Variants in PKHD1 observed in about 807,000 individuals in gnomAD.
The protein encoded by PKHD1 is fibrocystin.
Under a neutral mutation model 412.0 loss-of-function variants are expected in PKHD1, and 291 were observed. That is an observed-to-expected ratio of 0.71 (90% CI 0.64 to 0.78). The LOEUF (loss-of-function observed/expected upper bound fraction) is 0.78, where lower values mean the gene tolerates loss of function less well. Ranked by LOEUF, PKHD1 falls within the 30% of genes least tolerant of loss-of-function variation. The probability of loss-of-function intolerance (pLI) is 0.00; values close to 1 mark genes in which losing one functional copy is unlikely to be tolerated. For synonymous variants in PKHD1, 1,777 were observed against 1,821.5 expected, an observed-to-expected ratio of 0.98 and a Z score of 0.62; for missense variants, 4,825 against 4,950.7, an observed-to-expected ratio of 0.97 and a Z score of 0.76.
chr6:51,758,035 AG>A (rs1420336831), intron 55 of PKHD1, among the ~76,000 whole-genome samples: 2 of 150,668 alleles, frequency 1.3e-5, no homozygotes, highest in African/African-American at 4.9e-5. Context: ...AGAGAGAGAG[AG>A]AGAGAGAGAG....
intron 33 of PKHD1, among the ~76,000 whole-genome samples, chr6:52,018,493 T>C (rs1800881073): frequency 6.6e-6 from 1 of 152,216 alleles, no homozygotes; most frequent in South Asian, 2.1e-4. Context: ...TGCATTTCAA[T>C]CATTACTTTT....
At chr6:51,786,565 C>T (rs1202857480) in intron 53 of PKHD1, among the ~76,000 whole-genome samples, 2 of 152,196 alleles carry the variant, frequency 1.3e-5, no homozygotes, top group Non-Finnish European at 2.9e-5. Flanking sequence ...ACCACCATTT[C>T]ATACAAAGCC....
Position 51,747,973 on chromosome 6 carries a change from T to G in PKHD1, c.9643A>C (p.Ile3215Leu). ...GAGTGCGGCTTCACTTTGTCCTGAATGCAGTCAAAAGAAGAGCTGGTGGCC... is the reference window on the plus strand; with the variant it reads ...GAGTGCGGCTTCACTTTGTCCTGAAGGCAGTCAAAAGAAGAGCTGGTGGCC... ...IVATSSSFDC[I>L]QDKVKPHSAN... The change falls in exon 58 of 67, where the codon ATT (isoleucine) becomes CTT (leucine). Residue 3215 changes from isoleucine to leucine, a missense_variant. Physicochemically the swap from Ile to Leu is conservative, Grantham distance 5 (BLOSUM62 2). Transcript: ENST00000371117. 6.2e-7 allele frequency: 1 copy of G among 1,614,074 alleles called. No homozygotes were observed. Among genetic ancestry groups the G allele is most frequent in the Non-Finnish European group, 8.5e-7 (1 of 1,179,968 alleles).
chr6:51,983,253 T>C (rs888112441), intron 35 of PKHD1, among the ~76,000 whole-genome samples: 1 of 152,204 alleles, frequency 6.6e-6, no homozygotes, highest in Admixed American at 6.5e-5. Flanking sequence ...GAGAACTGCC[T>C]AGACTACAAA....
intron 36 of PKHD1, among the ~76,000 whole-genome samples, chr6:51,954,744 TTG>T (rs10581395): frequency 0.7 from 106,778 of 151,722 alleles, 38,059 homozygotes; most frequent in East Asian, 0.94. Context: ...TTCTTTTGTG[TTG>T]TGTGTGTGTG....
intron 35 of PKHD1, among the ~76,000 whole-genome samples, chr6:51,977,633 C>A (rs576884114): frequency 6.6e-6 from 1 of 152,192 alleles, no homozygotes; most frequent in Non-Finnish European, 1.5e-5. Flanking sequence ...CACTGCCTTA[C>A]GAAGTTTAGT....
Position 51,632,864 on chromosome 6 carries a change from A to G in PKHD1, c.11507-141T>C, listed in dbSNP as rs139488704. On this transcript the variant is annotated intron_variant, in intron 64 of 66. Coordinates refer to ENST00000371117, the MANE Select transcript of PKHD1 (RefSeq NM_138694.4). ...TATATATTCATTAAATTTAATAAAT[A>G]CATAAATTATAAATCCAAGATTTAT... The G allele has an allele frequency of 2.6e-4, 141 of 539,026 alleles. 1 individual carries two copies. In the East Asian group the frequency reaches 3.9e-3, roughly 15 times the overall value. 33.4% of individuals were successfully genotyped at this position (539,026 alleles called of 1,614,324 possible). A position where few individuals can be genotyped will look rare whatever the true frequency, so the allele number is the denominator to read the frequency against.
Position 51,934,152 on chromosome 6 carries a change from C to G in PKHD1, c.6079G>C (p.Val2027Leu). ...CCATTCCTCACAGCCAGGAACTTGA[C>G]TCCATAGGGAAAGAAGGGAGTTGAG... ...SYSTPFFPYG[V>L]KFLAVRNGTL... Residue 2027 changes from valine to leucine, a missense_variant, in exon 37 of 67, where the codon GTC becomes CTC. Transcript: ENST00000371117. 1 of 1,614,050 alleles carries G rather than the reference C, an allele frequency of 6.2e-7. No individual in the cohort carries two copies. The highest frequency in any genetic ancestry group is 8.5e-7 in the Non-Finnish European group (1 of 1,179,906).
At chr6:51,658,707 T>C (rs1772299867) in intron 61 of PKHD1, among the ~76,000 whole-genome samples, 1 of 152,108 alleles carries the variant, frequency 6.6e-6, no homozygotes, top group African/African-American at 2.4e-5. Flanking sequence ...CTTTTCACCT[T>C]AAGGAATCAA....
intron 35 of PKHD1, among the ~76,000 whole-genome samples, chr6:51,983,172 C>T (rs7746763): frequency 0.41 from 62,907 of 152,084 alleles, 15,246 homozygotes; most frequent in Admixed American, 0.55. Context: ...ACAGTCATAA[C>T]TGCACAAGTA....
intron 52 of PKHD1, among the ~76,000 whole-genome samples, chr6:51,807,458 A>AATATATATATATATAT (rs1216445909): frequency 8.0e-5 from 4 of 49,698 alleles, no homozygotes; most frequent in African/African-American, 2.4e-4. Flanking sequence ...AAAAAAAAAA[A>AATATATATATATATAT]ATATATATAT....
chr6:52,034,388 T>C (rs1056666964), intron 28 of PKHD1, among the ~76,000 whole-genome samples: 1 of 152,126 alleles, frequency 6.6e-6, no homozygotes, highest in African/African-American at 2.4e-5. Context: ...ACTATTTTCC[T>C]TTTAACCTAT....
intron 60 of PKHD1, among the ~76,000 whole-genome samples, chr6:51,699,669 T>C (rs1021935722): frequency 2.6e-5 from 4 of 152,196 alleles, no homozygotes; most frequent in African/African-American, 4.8e-5. Context: ...AGTGTATGTA[T>C]ACTTTTGCAC....
chr6:52,015,638 C>T lies in PKHD1; in HGVS notation c.5600+1772G>A, dbSNP rs960680309. On this transcript the variant is annotated intron_variant, in intron 34 of 66. Coordinates refer to ENST00000371117, the MANE Select transcript of PKHD1 (RefSeq NM_138694.4). ...AGGAGATCGAGACCATCCTGGCTAA[C>T]ACAGTGAAACCCCATCTCTACTAAA... Among the ~76,000 whole-genome samples, 4 of 151,998 alleles carry T rather than the reference C, an allele frequency of 2.6e-5. No homozygotes were observed. In the East Asian group the frequency reaches 7.7e-4, roughly 29 times the overall value.
At chr6:52,085,153 C>T (rs1812582807) in intron 1 of PKHD1, 136 bp from the exon 2 acceptor site, 1 of 532,366 alleles carries the variant, frequency 1.9e-6, no homozygotes, top group Non-Finnish European at 3.4e-6. Flanking sequence ...CACCATTTTT[C>T]CAAGCTCAGG....
At chr6:52,047,444 C>G (rs1806037438) in intron 23 of PKHD1, among the ~76,000 whole-genome samples, 1 of 152,188 alleles carries the variant, frequency 6.6e-6, no homozygotes, top group Non-Finnish European at 1.5e-5. Context: ...TACAGCCCCT[C>G]TCAAGTTCTA....
chr6:51,784,335 C>T (rs1195251933), intron 53 of PKHD1, among the ~76,000 whole-genome samples: 3 of 152,200 alleles, frequency 2.0e-5, no homozygotes, highest in Non-Finnish European at 2.9e-5. Flanking sequence ...ATAGCTAAAA[C>T]AGCCATTTGT....
chr6:51,615,604 C>G lies in PKHD1; in HGVS notation c.*3477G>C, dbSNP rs1367965295. ...AATTCTTTACTGTTATTGACACGTACAATTTTATAGAAGCTTGGTTGAATA... is the reference window on the plus strand; with the variant it reads ...AATTCTTTACTGTTATTGACACGTAGAATTTTATAGAAGCTTGGTTGAATA... On this transcript the variant is annotated 3_prime_UTR_variant, in exon 67 of 67. Coordinates refer to ENST00000371117, the MANE Select transcript of PKHD1 (RefSeq NM_138694.4). The G allele has an allele frequency of 6.6e-6, 1 of 152,106 alleles. No individual in the cohort carries two copies. The highest frequency in any genetic ancestry group is 2.4e-5 in the African/African-American group (1 of 41,422). The allele number at this position is 152,106 out of a possible 1,614,324, so 9.4% of individuals were successfully genotyped here. A position where few individuals can be genotyped will look rare whatever the true frequency, so the allele number is the denominator to read the frequency against.
intron 33 of PKHD1, among the ~76,000 whole-genome samples, chr6:52,020,736 G>C (rs758856844): frequency 2.0e-5 from 3 of 152,190 alleles, no homozygotes; most frequent in Non-Finnish European, 2.9e-5. Context: ...CGAAACACTT[G>C]TAAGGGTTGC....
Sources: allele counts gnomAD v4.1 joint callset (sites outside exome capture counted in the v4.1 genomes callset), GRCh38; gene constraint gnomAD v4.1.1; transcripts MANE v1.5; gene names NCBI Gene and HGNC (gene_info 2026-07-23, HGNC 2026-07-21).